Variants in FLG observed in about 807,000 individuals in gnomAD.
The protein encoded by FLG is filaggrin.
In FLG, 6 loss-of-function variants were observed where a neutral mutation model predicts 3.8. The observed-to-expected ratio is 1.60, with a 90% confidence interval of 0.87 to 3.15. The LOEUF (loss-of-function observed/expected upper bound fraction) is 3.15. Among genes scored for constraint, FLG ranks in the 30% most tolerant of loss-of-function variants. FLG has a pLI of 0.00. For synonymous variants in FLG, 2,551 were observed against 1,931.6 expected, an observed-to-expected ratio of 1.32 and a Z score of -8.41; for missense variants, 7,595 against 5,050.9, an observed-to-expected ratio of 1.50 and a Z score of -15.27.
chr1:152,311,388 A>G lies in FLG; in HGVS notation c.3498T>C (p.Arg1166=). 1 of 1,613,162 alleles carries G rather than the reference A, an allele frequency of 6.2e-7. No individual in the cohort carries two copies. The highest frequency in any genetic ancestry group is 8.5e-7 in the Non-Finnish European group (1 of 1,179,824). The part of the protein sequence containing the change: ...SASQEGQDTI[R]AHPGSRRGGR... ...CTCCTCTCCTTGACCCCGGGTGTGC[A>G]CGAATGGTGTCCTGACCCTCTTGGG... The change falls in exon 3 of 3, where the codon CGT becomes CGC. Residue 1166 remains arginine, a synonymous_variant. Transcript: ENST00000368799.
Position 152,303,434 on chromosome 1 carries a change from G to A in FLG, c.11452C>T (p.Gln3818Ter), listed in dbSNP as rs148606936. Residue 3818 changes from glutamine (Q) to a stop codon, truncating the protein, a stop_gained, in exon 3 of 3, where the codon CAG (glutamine) becomes TAG (stop). Transcript: ENST00000368799. LOFTEE classifies it low-confidence loss of function (END_TRUNC). The stretch of plus-strand genomic sequence containing the variant: ...GAGTGCCTGGAGCCGTCTCCTGACT[G>A]TTCCTCATTACGTGTTTCTCTGCTT... ...SASRETRNEE[Q>*]SGDGSRHSGS... The A allele has an allele frequency of 3.5e-5, 57 of 1,614,096 alleles. No individual in the cohort carries two copies. The African/African-American group carries it at 5.9e-4, about 17-fold the overall frequency.
rs200601767 is a variant in FLG at position 152,313,172 on chromosome 1, G to T, written c.1714C>A (p.Arg572=). 6.8e-6 allele frequency: 11 copies of T among 1,613,762 alleles called. 1 individual carries two copies. The South Asian group carries it at 8.8e-5, about 13-fold the overall frequency. ...CCGTCTCCTGATTGTTCCTCATTTCGTGTTTGTCTGCTTGCACTTCTGGAT... is the reference window on the plus strand; with the variant it reads ...CCGTCTCCTGATTGTTCCTCATTTCTTGTTTGTCTGCTTGCACTTCTGGAT... The part of the protein sequence containing the change: ...SGSRSASRQT[R]NEEQSGDGTR... Residue 572 remains arginine (R), a synonymous_variant, in exon 3 of 3, where the codon CGA becomes AGA. Coordinates refer to ENST00000368799, the MANE Select transcript of FLG (RefSeq NM_002016.2).
At position 152,304,985 on chromosome 1, in the gene FLG, T is replaced by G; in HGVS notation, c.9901A>C (p.Arg3301=). The G allele has an allele frequency of 8.1e-6, 13 of 1,613,826 alleles. No individual in the cohort carries two copies. Among genetic ancestry groups the G allele is most frequent in the Non-Finnish European group, 1.1e-5 (13 of 1,179,980 alleles). Reference sequence around the variant, plus strand: ...GACTGCTGGTGGCGGGATCCGTGTCTCTCTCCTGGACTTGATCTTGCCTGT... The same window carrying G: ...GACTGCTGGTGGCGGGATCCGTGTCGCTCTCCTGGACTTGATCTTGCCTGT... ...HEQARSSPGE[R]HGSRHQQSAD... The change falls in exon 3 of 3, where the codon AGA becomes CGA. Residue 3301 remains arginine (R), a synonymous_variant. Transcript: ENST00000368799.
chr1:152,313,659 G>C lies in FLG; in HGVS notation c.1227C>G (p.Val409=). Residue 409 remains valine (V), a synonymous_variant, in exon 3 of 3, where the codon GTC becomes GTG. Transcript: ENST00000368799. ...TAGACCCCCGGTGTCCACGATCGCTGACTGCAGATGAAGCTTGCCCGCGCC... is the reference window on the plus strand; with the variant it reads ...TAGACCCCCGGTGTCCACGATCGCTCACTGCAGATGAAGCTTGCCCGCGCC... ...ATGRGQASSA[V]SDRGHRGSSG... 1.2e-6 allele frequency: 2 copies of C among 1,614,110 alleles called. No individual in the cohort carries two copies.
chr1:152,311,888 C>G lies in FLG; in HGVS notation c.2998G>C (p.Asp1000His). The change falls in exon 3 of 3, where the codon GAC (aspartate) becomes CAC (histidine). Residue 1000 changes from aspartate (D) to histidine (H), a missense_variant. Transcript: ENST00000368799. ...EDRAGHGHSA[D>H]SSRQSGTPHA... ...GGAGTTCCTGATTGTCTGGAGCTGTCTGCAGAGTGCCCGTGACCGGCTCTG... is the reference window on the plus strand; with the variant it reads ...GGAGTTCCTGATTGTCTGGAGCTGTGTGCAGAGTGCCCGTGACCGGCTCTG... 6.2e-7 allele frequency: 1 copy of G among 1,614,144 alleles called. No individual in the cohort carries two copies. The highest frequency in any genetic ancestry group is 8.5e-7 in the Non-Finnish European group (1 of 1,180,026).
In FLG at chr1:152,309,908, T is replaced by A. The variant is rs200033409; in HGVS notation, c.4978A>T (p.Thr1660Ser). The change falls in exon 3 of 3, where the codon ACT (threonine) becomes TCT (serine). Residue 1660 changes from threonine to serine, a missense_variant. By Grantham distance (58) the Thr-to-Ser change is moderately conservative. Transcript: ENST00000368799. ...SRQSGTRHAE[T>S]SSGGQAASSQ... The stretch of plus-strand genomic sequence containing the variant: ...GATGCAGCCTGTCCACCAGAGGAAG[T>A]CTCTGCATGACGAGTGCCTGATTGT... 7 of 1,613,934 alleles carry A rather than the reference T, an allele frequency of 4.3e-6. No homozygotes were observed. Among genetic ancestry groups the A allele is most frequent in the African/African-American group, 4.0e-5 (3 of 74,940 alleles).
Position 152,304,324 on chromosome 1 carries a change from G to C in FLG, c.10562C>G (p.Ser3521Cys), listed in dbSNP as rs767216620. The change falls in exon 3 of 3, where the codon TCC becomes TGC. Residue 3521 changes from serine to cysteine, a missense_variant. By Grantham distance (112) the Ser-to-Cys change is moderately radical. Coordinates refer to ENST00000368799, the MANE Select transcript of FLG (RefSeq NM_002016.2). ...TQADSSRHSQ[S>C]GQGQSAGPRT... ...GGGCCCCGCTGATTGTCCCTGGCCG[G>C]ACTGTGAGTGTCTAGAGCTGTCCGC... 6.2e-7 allele frequency: 1 copy of C among 1,611,644 alleles called. No individual in the cohort carries two copies. Among genetic ancestry groups the C allele is most frequent in the African/African-American group, 1.3e-5 (1 of 74,892 alleles).
chr1:152,310,248 A>G lies in FLG; in HGVS notation c.4638T>C (p.Asn1546=), dbSNP rs371007229. 6 of 1,612,406 alleles carry G rather than the reference A, an allele frequency of 3.7e-6. No individual in the cohort carries two copies. The highest frequency in any genetic ancestry group is 4.5e-5 in the East Asian group (2 of 44,586). The change falls in exon 3 of 3, where the codon AAT becomes AAC. Residue 1546 remains asparagine, a synonymous_variant. Transcript: ENST00000368799. The stretch of plus-strand genomic sequence containing the variant: ...TGGAGCCGTCTCCTGATTGTTCCTC[A>G]TTTCTTGTTTGCCTGCTTGCACTTC... ...GPRSASRQTR[N]EEQSGDGSRH...
intron 1 of FLG, among the ~76,000 whole-genome samples, chr1:152,320,014 G>C (rs893193602): frequency 1.3e-5 from 2 of 151,278 alleles, no homozygotes; most frequent in African/African-American, 2.4e-5. Context: ...AGTATTGTAG[G>C]ATACTTGTAT....
In FLG at chr1:152,304,685, C is replaced by G. The variant is rs754227941; in HGVS notation, c.10201G>C (p.Gly3401Arg). 3 of 1,612,650 alleles carry G rather than the reference C, an allele frequency of 1.9e-6. No individual in the cohort carries two copies. Among genetic ancestry groups the G allele is most frequent in the South Asian group, 2.2e-5 (2 of 90,790 alleles). The change falls in exon 3 of 3, where the codon GGG (glycine) becomes CGG (arginine). Residue 3401 changes from glycine (G) to arginine (R), a missense_variant. Transcript: ENST00000368799. Reference sequence around the variant, plus strand: ...CGTCCAGTGCTGGTCCTGGTCCGCCCATGGGCAGACTCAGACTGTTCATGA... The same window carrying G: ...CGTCCAGTGCTGGTCCTGGTCCGCCGATGGGCAGACTCAGACTGTTCATGA... ...STHEQSESAHGRTRTSTGRRQ... is the reference protein window; with the variant it reads ...STHEQSESAHRRTRTSTGRRQ...
intron 1 of FLG, among the ~76,000 whole-genome samples, chr1:152,315,735 G>A (rs528013392): frequency 1.3e-5 from 2 of 152,248 alleles, no homozygotes; most frequent in South Asian, 2.1e-4. Context: ...AGACCTCAGT[G>A]TGCTCTAGGT....
chr1:152,316,592 C>T (rs776506143), intron 1 of FLG, among the ~76,000 whole-genome samples: 1 of 151,944 alleles, frequency 6.6e-6, no homozygotes, highest in Non-Finnish European at 1.5e-5. Flanking sequence ...TAAAAAATTA[C>T]AGGTATATGC....
At position 152,315,464 on chromosome 1, in the gene FLG, C is replaced by T; in HGVS notation, c.-8G>A. The T allele has an allele frequency of 6.2e-7, 1 of 1,608,896 alleles. No individual in the cohort carries two copies. ...TTCCAGGAGAGTAGACATCTTTTGG[C>T]AATAAATGTGAACCTAGAAAGAAGA... is the stretch of plus-strand genomic sequence containing the variant. On this transcript the variant is annotated 5_prime_UTR_variant, in exon 2 of 3. Transcript: ENST00000368799.
Position 152,310,061 on chromosome 1 carries a change from T to C in FLG, c.4825A>G (p.Arg1609Gly). 1 of 1,613,906 alleles carries C rather than the reference T, an allele frequency of 6.2e-7. No homozygotes were observed. Among genetic ancestry groups the C allele is most frequent in the Non-Finnish European group, 8.5e-7 (1 of 1,180,002 alleles). The change falls in exon 3 of 3, where the codon AGG becomes GGG. Residue 1609 changes from arginine to glycine, a missense_variant. Physicochemically the swap from Arg to Gly is moderately radical, Grantham distance 125. Transcript: ENST00000368799. ...DSEGHSEDSE[R>G]RSESASRNHY... Reference sequence around the variant, plus strand: ...TTTCTGGAAGCCGACTCAGACCGCCTCTCAGAGTCTTCTGAGTGTCCCTCA... The same window carrying C: ...TTTCTGGAAGCCGACTCAGACCGCCCCTCAGAGTCTTCTGAGTGTCCCTCA...
At position 152,310,310 on chromosome 1, in the gene FLG, C is replaced by T. The variant is rs1652312335; in HGVS notation, c.4576G>A (p.Gly1526Arg). 1.2e-6 allele frequency: 2 copies of T among 1,613,704 alleles called. No homozygotes were observed. Among genetic ancestry groups the T allele is most frequent in the African/African-American group, 1.3e-5 (1 of 74,794 alleles). Residue 1526 changes from glycine to arginine, a missense_variant, in exon 3 of 3, where the codon GGA becomes AGA. Gly to Arg is a moderately radical substitution (Grantham distance 125). Transcript: ENST00000368799. ...GYHHSHTTPQ[G>R]RSDASHGQSG... The stretch of plus-strand genomic sequence containing the variant: ...TGCCCATGGGAGGCATCAGACCTTC[C>T]CTGGGGTGTGGTGTGGCTGTGATGG...
rs377017648 is a variant in FLG at position 152,307,784 on chromosome 1, C to T, written c.7102G>A (p.Ala2368Thr). 3.1e-6 allele frequency: 5 copies of T among 1,613,414 alleles called. No individual in the cohort carries two copies. Among genetic ancestry groups the T allele is most frequent in the East Asian group, 2.2e-5 (1 of 44,834 alleles). ...TCTGAATGTCCCTCACTGTCACTGG[C>T]CTGACTACCACTGGACCCTCGGTGT... ...SGHRGSSGSQ[A>T]SDSEGHSEDS... The change falls in exon 3 of 3, where the codon GCC (alanine) becomes ACC (threonine). Residue 2368 changes from alanine to threonine, a missense_variant. Transcript: ENST00000368799.
Position 152,308,845 on chromosome 1 carries a change from G to A in FLG, c.6041C>T (p.Ala2014Val), listed in dbSNP as rs1652173806. ...AATGCCTGAGTGTCTGGAGCTGTCT[G>A]CTGACTGGAGCTGGTGGTGGGATCC... ...RHGSHHQLQS[A>V]DSSRHSGIGH... Residue 2014 changes from alanine to valine, a missense_variant, in exon 3 of 3, where the codon GCA (alanine) becomes GTA (valine). Coordinates refer to ENST00000368799, the MANE Select transcript of FLG (RefSeq NM_002016.2). The A allele has an allele frequency of 1.2e-6, 2 of 1,614,134 alleles. No homozygotes were observed. The highest frequency in any genetic ancestry group is 1.3e-5 in the African/African-American group (1 of 75,046).
rs1430925206 is a variant in FLG at position 152,306,313 on chromosome 1, T to C, written c.8573A>G (p.His2858Arg). ...GDGSRHSGSR[H>R]HEASTHADIS... ...GTCGGCATGAGTGGAAGCTTCATGGTGACGCGACCCTGAGTGCCTGGAGCC... is the reference window on the plus strand; with the variant it reads ...GTCGGCATGAGTGGAAGCTTCATGGCGACGCGACCCTGAGTGCCTGGAGCC... Residue 2858 changes from histidine to arginine, a missense_variant, in exon 3 of 3, where the codon CAC (histidine) becomes CGC (arginine). Coordinates refer to ENST00000368799, the MANE Select transcript of FLG (RefSeq NM_002016.2). 1.9e-6 allele frequency: 3 copies of C among 1,603,298 alleles called. No individual in the cohort carries two copies. The highest frequency in any genetic ancestry group is 2.2e-5 in the East Asian group (1 of 44,902).
intron 1 of FLG, among the ~76,000 whole-genome samples, chr1:152,320,977 A>T (rs566784753): frequency 5.8e-4 from 88 of 151,150 alleles, no homozygotes; most frequent in African/African-American, 2.1e-3. Context: ...TTTTGAACTA[A>T]ATGAAAATGA....
Sources: gnomAD v4.1 joint callset for allele counts (sites outside exome capture counted in the v4.1 genomes callset) on GRCh38, gnomAD v4.1.1 for gene constraint, MANE v1.5 for transcripts, NCBI Gene and HGNC (gene_info 2026-07-23, HGNC 2026-07-21) for gene names.